Variants in HTR1F observed in about 807,000 individuals in gnomAD.
HTR1F encodes the protein 5-hydroxytryptamine receptor 1F, also known as 5-hydroxytryptamine (serotonin) receptor 1F, G protein-coupled.
Under a neutral mutation model 24.0 loss-of-function variants are expected in HTR1F, and 17 were observed. The ratio of observed to expected loss-of-function variants is 0.71; its 90% confidence interval spans 0.48 to 1.06. The LOEUF (loss-of-function observed/expected upper bound fraction) is 1.06. HTR1F is among the 50% of genes least tolerant of loss of function. The pLI is 0.00. For synonymous variants in HTR1F, 186 were observed against 156.8 expected (o/e 1.19, Z -1.39); for missense variants, 391 against 427.8 (o/e 0.91, Z 0.76).
intron 2 of HTR1F, among the ~76,000 whole-genome samples, chr3:87,840,497 GT>G (rs1704778631): frequency 6.6e-6 from 1 of 152,080 alleles, no homozygotes; most frequent in Admixed American, 6.6e-5. Context: ...TACAGGGATG[GT>G]GGTATTGTAA....
At chr3:87,935,353 T>C (rs147843278) in intron 2 of HTR1F, among the ~76,000 whole-genome samples, 151 of 152,334 alleles carry the variant, frequency 9.9e-4, no homozygotes, top group African/African-American at 3.5e-3. Context: ...TTGCATTGAC[T>C]GCTCTTTAAG....
intron 2 of HTR1F, among the ~76,000 whole-genome samples, chr3:87,944,865 G>A (rs958226221): frequency 2.0e-5 from 3 of 152,142 alleles, no homozygotes; most frequent in African/African-American, 7.2e-5. Flanking sequence ...GAAGGCTACA[G>A]GTTGTCAGTG....
At chr3:87,951,822 C>A (rs1236111086) in intron 2 of HTR1F, among the ~76,000 whole-genome samples, 1 of 152,002 alleles carries the variant, frequency 6.6e-6, no homozygotes, top group Non-Finnish European at 1.5e-5. Flanking sequence ...CCTCTATACT[C>A]TGCCTGTTCA....
At chr3:87,925,690 T>C (rs994983613) in intron 2 of HTR1F, among the ~76,000 whole-genome samples, 4 of 152,150 alleles carry the variant, frequency 2.6e-5, no homozygotes, top group African/African-American at 9.7e-5. Flanking sequence ...ATGCAGCCAC[T>C]TGGACTCCAG....
chr3:87,887,996 G>A (rs2107298465), intron 2 of HTR1F, among the ~76,000 whole-genome samples: 1 of 152,192 alleles, frequency 6.6e-6, no homozygotes, highest in East Asian at 1.9e-4. Context: ...TATAAATCAG[G>A]CTACTATAAA....
At chr3:87,898,060 G>C (rs746785990) in intron 2 of HTR1F, among the ~76,000 whole-genome samples, 2 of 152,128 alleles carry the variant, frequency 1.3e-5, no homozygotes, top group Non-Finnish European at 2.9e-5. Context: ...TGAATGAATA[G>C]GTGGATGAAA....
intron 2 of HTR1F, among the ~76,000 whole-genome samples, chr3:87,927,466 T>G (rs77181663): frequency 0.032 from 4,880 of 152,232 alleles, 236 homozygotes; most frequent in African/African-American, 0.11. Context: ...AAAATGTGTC[T>G]TAGAAAAATC....
At chr3:87,839,176 G>GT (rs1029569363) in intron 2 of HTR1F, among the ~76,000 whole-genome samples, 2 of 151,418 alleles carry the variant, frequency 1.3e-5, no homozygotes, top group African/African-American at 2.4e-5. Flanking sequence ...TGTTTTTTAT[G>GT]TTTTTTTCCA....
intron 2 of HTR1F, among the ~76,000 whole-genome samples, chr3:87,859,863 A>G (rs1002890401): frequency 6.6e-6 from 1 of 152,224 alleles, no homozygotes; most frequent in African/African-American, 2.4e-5. Flanking sequence ...AGCTGGGGAA[A>G]AAAAGTAGAT....
At chr3:87,896,057 T>C (rs1420012824) in intron 2 of HTR1F, among the ~76,000 whole-genome samples, 1 of 152,214 alleles carries the variant, frequency 6.6e-6, no homozygotes, top group African/African-American at 2.4e-5. Flanking sequence ...GAAATGGTTG[T>C]GAATCATTGA....
intron 2 of HTR1F, among the ~76,000 whole-genome samples, chr3:87,942,978 T>C (rs1444342831): frequency 2.0e-5 from 3 of 152,182 alleles, no homozygotes; most frequent in African/African-American, 7.2e-5. Context: ...CCTTAGTCTC[T>C]CCAGAAAGGC....
Position 87,991,883 on chromosome 3 carries a change from T to A in HTR1F, c.*33T>A. 6.7e-7 allele frequency: 1 copy of A among 1,502,360 alleles called. No individual in the cohort carries two copies. Among genetic ancestry groups the A allele is most frequent in the Non-Finnish European group, 8.9e-7 (1 of 1,124,866 alleles). 93.1% of individuals were successfully genotyped at this position (1,502,360 alleles called of 1,614,324 possible). On this transcript the variant is annotated 3_prime_UTR_variant, in exon 3 of 3. Coordinates refer to ENST00000319595, the MANE Select transcript of HTR1F (RefSeq NM_001322209.2). ...AATGTTTATTATTGAAGGATGGGGG[T>A]TTTTGAGGGGAGGAATAACTAGATG... is the stretch of plus-strand genomic sequence containing the variant.
At chr3:87,847,209 G>T (rs183615369) in intron 2 of HTR1F, among the ~76,000 whole-genome samples, 214 of 151,858 alleles carry the variant, frequency 1.4e-3, no homozygotes, top group South Asian at 4.6e-3. Context: ...GCAAAGATTT[G>T]TGAATAATAA....
chr3:87,871,747 G>A (rs1008846719), intron 2 of HTR1F, among the ~76,000 whole-genome samples: 3 of 151,952 alleles, frequency 2.0e-5, no homozygotes, highest in African/African-American at 7.2e-5. Flanking sequence ...GGCCAGAAGG[G>A]AGCACCCAAA....
rs4038036 is a variant in HTR1F at position 87,869,454 on chromosome 3, T to TGATAGATAGATA, written c.-43+47346_-43+47357dup. Among the ~76,000 whole-genome samples the TGATAGATAGATA allele has an allele frequency of 7.2e-3, 900 of 124,700 alleles. 12 individuals are homozygous for TGATAGATAGATA. Among genetic ancestry groups the TGATAGATAGATA allele is most frequent in the Non-Finnish European group, 0.01 (628 of 61,502 alleles). The allele number at this position is 124,700 out of a possible 152,430, so 81.8% of individuals were successfully genotyped here. ...ATAGATACATAGATAGATAGATAGA[T>TGATAGATAGATA]GATAGATAGATAGATAGATAGATAG... is the stretch of plus-strand genomic sequence containing the variant. On this transcript the variant is annotated intron_variant, in intron 2 of 2. Transcript: ENST00000319595.
At chr3:87,929,362 T>C (rs1451460621) in intron 2 of HTR1F, among the ~76,000 whole-genome samples, 4 of 152,230 alleles carry the variant, frequency 2.6e-5, no homozygotes, top group Non-Finnish European at 5.9e-5. Context: ...ACAACGTATA[T>C]GGCAACCAGA....
intron 2 of HTR1F, among the ~76,000 whole-genome samples, chr3:87,973,548 A>G (rs1490035499): frequency 1.3e-5 from 2 of 152,232 alleles, no homozygotes; most frequent in African/African-American, 2.4e-5. Context: ...CTTTTAAAAA[A>G]CACATTCACT....
chr3:87,938,977 A>G (rs368995990), intron 2 of HTR1F, among the ~76,000 whole-genome samples: 1 of 152,220 alleles, frequency 6.6e-6, no homozygotes, highest in African/African-American at 2.4e-5. Flanking sequence ...AAAATAAACT[A>G]TCAACAGAGT....
At chr3:87,982,651 T>A (rs1705570643) in intron 2 of HTR1F, among the ~76,000 whole-genome samples, 1 of 152,094 alleles carries the variant, frequency 6.6e-6, no homozygotes, top group African/African-American at 2.4e-5. Context: ...GTGCAGTGAA[T>A]TAGAGAACCA....
Sources: gnomAD v4.1 joint callset for allele counts (sites outside exome capture counted in the v4.1 genomes callset) on GRCh38, gnomAD v4.1.1 for gene constraint, MANE v1.5 for transcripts, NCBI Gene and HGNC (gene_info 2026-07-23, HGNC 2026-07-21) for gene names.